The following ASB18 variants were observed in gnomAD, a reference collection of about 807,000 sequenced individuals.
The protein encoded by ASB18 is ankyrin repeat and SOCS box containing 18, also known as ankyrin repeat and SOCS box protein 18.
Under a neutral mutation model 33.4 loss-of-function variants are expected in ASB18, and 33 were observed. The ratio of observed to expected loss-of-function variants is 0.99; its 90% CI spans 0.75 to 1.32. ASB18 has a LOEUF of 1.32. ASB18 is among the 40% of genes most tolerant of loss of function. ASB18 has a pLI of 0.00. For missense variants in ASB18, 694 were observed against 655.5 expected (o/e 1.06, Z -0.64); for synonymous variants, 295 against 307.6 (o/e 0.96, Z 0.43).
Position 236,250,590 on chromosome 2 carries a change from A to G in ASB18, c.206-9188T>C, listed in dbSNP as rs918295235. 1.8e-4 allele frequency: 27 copies of G among 152,142 alleles called. No homozygotes were observed. The highest frequency in any genetic ancestry group is 3.2e-3 in the Middle Eastern group (1 of 316). The allele number at this position is 152,142 out of a possible 1,614,324, so 9.4% of individuals were successfully genotyped here. On this transcript the variant is annotated intron_variant, in intron 1 of 5. Coordinates refer to ENST00000409749, the MANE Select transcript of ASB18 (RefSeq NM_212556.4). This position sits in a 1 kb window ranked among gnomAD's most constrained non-coding sequence, Gnocchi z 4.1. The stretch of plus-strand genomic sequence containing the variant: ...GGGTTTCTGTAAATGGCCATGTACT[A>G]AGTCTGACTGGACTCTAGGATAATA...
At chr2:236,224,521 A>G (rs1178147408) in intron 3 of ASB18, among the ~76,000 whole-genome samples, 1 of 152,074 alleles carries the variant, frequency 6.6e-6, no homozygotes, top group Non-Finnish European at 1.5e-5. Context: ...GGCCAGAGAT[A>G]AGTGGAGCTA....
Position 236,238,411 on chromosome 2 carries a change from T to C in ASB18, c.329-455A>G, listed in dbSNP as rs887023944. Among the ~76,000 whole-genome samples the C allele has an allele frequency of 1.3e-5, 2 of 152,160 alleles. No homozygotes were observed. Among genetic ancestry groups the C allele is most frequent in the Non-Finnish European group, 2.9e-5 (2 of 68,024 alleles). On this transcript the variant is annotated intron_variant, in intron 2 of 5. Coordinates refer to ENST00000409749, the MANE Select transcript of ASB18 (RefSeq NM_212556.4). This position sits in a 1 kb window ranked among gnomAD's most constrained non-coding sequence, Gnocchi z 5.2. ...TTCCCGAATCCAGCACTCCCTTAGC[T>C]GAGCTCCAAACTTGTCCCTTTATCA...
At chr2:236,236,876 G>T (rs1359126440) in intron 3 of ASB18, among the ~76,000 whole-genome samples, 1 of 152,200 alleles carries the variant, frequency 6.6e-6, no homozygotes, top group Non-Finnish European at 1.5e-5. Context: ...AACTCCAAGG[G>T]CAGGGGCTGG....
rs201821894 is a variant in ASB18 at position 236,241,313 on chromosome 2, G to A, written c.295C>T (p.Gln99Ter). Residue 99 changes from glutamine to a stop codon, truncating the protein, a stop_gained, in exon 2 of 6, where the codon CAG (glutamine) becomes TAG (stop). Transcript: ENST00000409749. LOFTEE classifies it high-confidence loss of function. This position sits in a 1 kb window ranked among gnomAD's most constrained non-coding sequence, Gnocchi z 4.2. Reference sequence around the variant, plus strand: ...CCAAACGTGGCTGGAGATTTCACCTGCCATTCCATCTCATCCTTATTGATC... The same window carrying A: ...CCAAACGTGGCTGGAGATTTCACCTACCATTCCATCTCATCCTTATTGATC... ...FEINKDEMEW[Q>*]VKSPATFGLS... is the part of the protein sequence containing the mutation. 3.7e-5 allele frequency: 59 copies of A among 1,612,890 alleles called. No homozygotes were observed. The highest frequency in any genetic ancestry group is 3.8e-5 in the Non-Finnish European group (45 of 1,179,570).
chr2:236,201,511 T>G (rs1466484053), intron 4 of ASB18, among the ~76,000 whole-genome samples: 1 of 151,212 alleles, frequency 6.6e-6, no homozygotes, highest in Non-Finnish European at 1.5e-5. Context: ...TATTTGAGAG[T>G]GTGCTATAAC....
At position 236,237,747 on chromosome 2, in the gene ASB18, G is replaced by A. The variant is rs769202349; in HGVS notation, c.538C>T (p.Leu180=). Residue 180 remains leucine, a synonymous_variant, in exon 3 of 6, where the codon CTG becomes TTG. Transcript: ENST00000409749. This position sits in a 1 kb window ranked among gnomAD's most constrained non-coding sequence, Gnocchi z 6.2. The stretch of plus-strand genomic sequence containing the variant: ...GGCGCCAGGCCCTCGGCGCTGAGCA[G>A]GTCGGGGTCGGCGCGGTGCTGCAGC... ...LLLQHRADPD[L]LSAEGLAPLH... 2.2e-4 allele frequency: 318 copies of A among 1,457,876 alleles called. 1 individual carries two copies. In the Middle Eastern group the frequency reaches 2.9e-3, roughly 13 times the overall value. The allele number at this position is 1,457,876 out of a possible 1,614,324, so 90.3% of individuals were successfully genotyped here.
In ASB18 at chr2:236,225,663, A is replaced by G. The variant is rs954389868; in HGVS notation, c.597-10797T>C. 6.6e-6 allele frequency among the ~76,000 whole-genome samples: 1 copy of G among 152,216 alleles called. No individual in the cohort carries two copies. Among genetic ancestry groups the G allele is most frequent in the Non-Finnish European group, 1.5e-5 (1 of 68,050 alleles). ...GCTGGCATGCAGGCTGCTAATGTGAACACAGTTACTTTACTGTAACTTTTC... is the reference window on the plus strand; with the variant it reads ...GCTGGCATGCAGGCTGCTAATGTGAGCACAGTTACTTTACTGTAACTTTTC... On this transcript the variant is annotated intron_variant, in intron 3 of 5. Transcript: ENST00000409749. This position sits in a 1 kb window ranked among gnomAD's most constrained non-coding sequence, Gnocchi z 5.1.
At position 236,213,510 on chromosome 2, in the gene ASB18, C is replaced by T. The variant is rs948900609; in HGVS notation, c.1101+852G>A. 6.6e-6 allele frequency among the ~76,000 whole-genome samples: 1 copy of T among 152,180 alleles called. No individual in the cohort carries two copies. The highest frequency in any genetic ancestry group is 1.9e-4 in the East Asian group (1 of 5,202). On this transcript the variant is annotated intron_variant, in intron 4 of 5. Transcript: ENST00000409749. The surrounding 1 kb of genome is among the most constrained non-coding windows in gnomAD (Gnocchi z 4.8). Reference sequence around the variant, plus strand: ...GGAGATAATTTTTAAATTAAACACACCCGGATTTTACATCTAATGGAATGA... The same window carrying T: ...GGAGATAATTTTTAAATTAAACACATCCGGATTTTACATCTAATGGAATGA...
rs1421274805 is a variant in ASB18 at position 236,251,771 on chromosome 2, C to A, written c.206-10369G>T. 1.3e-5 allele frequency among the ~76,000 whole-genome samples: 2 copies of A among 152,186 alleles called. No homozygotes were observed. The highest frequency in any genetic ancestry group is 1.9e-4 in the East Asian group (1 of 5,198). Reference sequence around the variant, plus strand: ...TGCTAATCACGTTCAATTTTACTAACCTAAAATACAAGTGAAAAATGACAA... The same window carrying A: ...TGCTAATCACGTTCAATTTTACTAAACTAAAATACAAGTGAAAAATGACAA... On this transcript the variant is annotated intron_variant, in intron 1 of 5. Coordinates refer to ENST00000409749, the MANE Select transcript of ASB18 (RefSeq NM_212556.4). This position sits in a 1 kb window ranked among gnomAD's most constrained non-coding sequence, Gnocchi z 5.3.
At position 236,208,724 on chromosome 2, in the gene ASB18, C is replaced by A. The variant is rs1158990222; in HGVS notation, c.1101+5638G>T. Reference sequence around the variant, plus strand: ...CACCTCTCTGGGGCTCCCTGCCCCTCCCCGTCCTCTGCATCGTGCCCCCTC... The same window carrying A: ...CACCTCTCTGGGGCTCCCTGCCCCTACCCGTCCTCTGCATCGTGCCCCCTC... On this transcript the variant is annotated intron_variant, in intron 4 of 5. Coordinates refer to ENST00000409749, the MANE Select transcript of ASB18 (RefSeq NM_212556.4). This position sits in a 1 kb window ranked among gnomAD's most constrained non-coding sequence, Gnocchi z 7.7. Among the ~76,000 whole-genome samples, 1 of 152,220 alleles carries A rather than the reference C, an allele frequency of 6.6e-6. No homozygotes were observed. Among genetic ancestry groups the A allele is most frequent in the Non-Finnish European group, 1.5e-5 (1 of 68,038 alleles).
Position 236,193,568 on chromosome 2 carries a change from G to A in ASB18, c.*1304C>T, listed in dbSNP as rs1196472395. On this transcript the variant is annotated 3_prime_UTR_variant, in exon 6 of 6. Coordinates refer to ENST00000409749, the MANE Select transcript of ASB18 (RefSeq NM_212556.4). The surrounding 1 kb of genome is among the most constrained non-coding windows in gnomAD (Gnocchi z 5.0). ...TCCCAGCACTTTGGGAGGCCGAGGC[G>A]GGCAGATCACCTGAGATCGGGAGTT... Among the ~76,000 whole-genome samples the A allele has an allele frequency of 2.0e-5, 3 of 152,162 alleles. No homozygotes were observed. Among genetic ancestry groups the A allele is most frequent in the African/African-American group, 4.8e-5 (2 of 41,436 alleles).
chr2:236,214,370 AGGCGTCG>A lies in ASB18; in HGVS notation c.1086_1092del (p.Asp363SerfsTer5), dbSNP rs765438411. On this transcript the variant is annotated frameshift_variant, in exon 4 of 6. Transcript: ENST00000409749. LOFTEE classifies it high-confidence loss of function. This position sits in a 1 kb window ranked among gnomAD's most constrained non-coding sequence, Gnocchi z 6.5. ...GCTGGATCCTGCCTTACCTTGGGGA[AGGCGTCG>A]GGCCACACGGTGGGAGAGCCGTGGT... The A allele has an allele frequency of 2.8e-4, 442 of 1,575,932 alleles. No individual in the cohort carries two copies. The highest frequency in any genetic ancestry group is 3.5e-4 in the Non-Finnish European group (412 of 1,165,226).
Position 236,196,455 on chromosome 2 carries a change from G to A in ASB18, c.1102-70C>T. 2.4e-6 allele frequency: 2 copies of A among 822,560 alleles called. No homozygotes were observed. The highest frequency in any genetic ancestry group is 1.5e-5 in the South Asian group (1 of 66,668). The allele number at this position is 822,560 out of a possible 1,614,324, so 51.0% of individuals were successfully genotyped here. A position where few individuals can be genotyped will look rare whatever the true frequency, so the allele number is the denominator to read the frequency against. ...TGGGTCTCAGTGGGGAAAGGGTGGG[G>A]GGTGTGGGGGGATGCTCTCCCTAGC... On this transcript the variant is annotated intron_variant, in intron 4 of 5. Transcript: ENST00000409749. This position sits in a 1 kb window ranked among gnomAD's most constrained non-coding sequence, Gnocchi z 5.6.
Position 236,194,990 on chromosome 2 carries a change from C to CAAAG in ASB18, c.1279_1282dup (p.Cys428SerfsTer16). The stretch of plus-strand genomic sequence containing the variant: ...AAACAGTCTGCGAAGAGCACAGCGG[C>CAAAG]AAAGATGCTGCAGGCAGCGTGGGGT... On this transcript the variant is annotated frameshift_variant, in exon 6 of 6. Transcript: ENST00000409749. LOFTEE classifies it low-confidence loss of function (END_TRUNC). The surrounding 1 kb of genome is among the most constrained non-coding windows in gnomAD (Gnocchi z 4.5). 6.2e-7 allele frequency: 1 copy of CAAAG among 1,613,880 alleles called. No homozygotes were observed. The highest frequency in any genetic ancestry group is 8.5e-7 in the Non-Finnish European group (1 of 1,179,866).
In ASB18 at chr2:236,237,989, G is replaced by A. The variant is rs1405576560; in HGVS notation, c.329-33C>T. On this transcript the variant is annotated intron_variant, in intron 2 of 5. Coordinates refer to ENST00000409749, the MANE Select transcript of ASB18 (RefSeq NM_212556.4). This position sits in a 1 kb window ranked among gnomAD's most constrained non-coding sequence, Gnocchi z 6.2. ...GAGGGAGGTGGGATGTAAGGTCAGG[G>A]GGAGGTTAGTTGTGGTGGTGGTGGG... 7 of 1,450,378 alleles carry A rather than the reference G, an allele frequency of 4.8e-6. No homozygotes were observed. Among genetic ancestry groups the A allele is most frequent in the Non-Finnish European group, 6.3e-6 (7 of 1,109,924 alleles). The allele number at this position is 1,450,378 out of a possible 1,614,324, so 89.8% of individuals were successfully genotyped here. A position where few individuals can be genotyped will look rare whatever the true frequency, so the allele number is the denominator to read the frequency against.
intron 4 of ASB18, among the ~76,000 whole-genome samples, chr2:236,212,845 G>T (rs2060465490): frequency 6.6e-6 from 1 of 152,110 alleles, no homozygotes; most frequent in Non-Finnish European, 1.5e-5. Flanking sequence ...GCCCAGGCTG[G>T]TCTTAAACTC....
In ASB18 at chr2:236,251,448, T is replaced by C. The variant is rs1257008415; in HGVS notation, c.206-10046A>G. Among the ~76,000 whole-genome samples, 1 of 152,240 alleles carries C rather than the reference T, an allele frequency of 6.6e-6. No individual in the cohort carries two copies. The highest frequency in any genetic ancestry group is 1.5e-5 in the Non-Finnish European group (1 of 68,038). On this transcript the variant is annotated intron_variant, in intron 1 of 5. Coordinates refer to ENST00000409749, the MANE Select transcript of ASB18 (RefSeq NM_212556.4). The surrounding 1 kb of genome is among the most constrained non-coding windows in gnomAD (Gnocchi z 5.3). ...CCTGCCTCTTGAGACAAATTGCGTG[T>C]TCAGACTGATTGTTTTTTATGAATC...
Position 236,250,393 on chromosome 2 carries a change from T to A in ASB18, c.206-8991A>T, listed in dbSNP as rs550017139. Reference sequence around the variant, plus strand: ...GGGAATGGCAAATGTTCAGATTCTTTCCTAGGTCATTGGCAAATGTCTGGC... The same window carrying A: ...GGGAATGGCAAATGTTCAGATTCTTACCTAGGTCATTGGCAAATGTCTGGC... On this transcript the variant is annotated intron_variant, in intron 1 of 5. Coordinates refer to ENST00000409749, the MANE Select transcript of ASB18 (RefSeq NM_212556.4). This position sits in a 1 kb window ranked among gnomAD's most constrained non-coding sequence, Gnocchi z 4.1. The A allele has an allele frequency of 1.3e-5, 2 of 152,358 alleles. No homozygotes were observed. The highest frequency in any genetic ancestry group is 3.9e-4 in the East Asian group (2 of 5,194). 9.4% of individuals were successfully genotyped at this position (152,358 alleles called of 1,614,324 possible).
rs373429416 is a variant in ASB18 at position 236,251,324 on chromosome 2, C to T, written c.206-9922G>A. Among the ~76,000 whole-genome samples the T allele has an allele frequency of 2.6e-5, 4 of 152,130 alleles. No individual in the cohort carries two copies. Among genetic ancestry groups the T allele is most frequent in the Non-Finnish European group, 4.4e-5 (3 of 68,034 alleles). On this transcript the variant is annotated intron_variant, in intron 1 of 5. Transcript: ENST00000409749. The surrounding 1 kb of genome is among the most constrained non-coding windows in gnomAD (Gnocchi z 5.3). ...GAAGGACATTTATAGACTCTGGGGA[C>T]GTTGCTGGAAAGCGTATCATTGAAG...
Sources: gnomAD v4.1 joint callset for allele counts (sites outside exome capture counted in the v4.1 genomes callset) on GRCh38, gnomAD v4.1.1 for gene constraint, Gnocchi (gnomAD v3.1) non-coding constraint, MANE v1.5 for transcripts, NCBI Gene and HGNC (gene_info 2026-07-23, HGNC 2026-07-21) for gene names.